NRK: variants seen among roughly 807,000 people sequenced by gnomAD.
NRK encodes nik-related protein kinase.
Under a neutral mutation model 125.2 loss-of-function variants are expected in NRK, and 67 were observed. That is an observed-to-expected ratio of 0.54 (90% CI 0.44 to 0.66). The LOEUF (loss-of-function observed/expected upper bound fraction) is 0.66, where lower values mean the gene tolerates loss of function less well. Ranked by LOEUF, NRK falls within the 30% of genes least tolerant of loss-of-function variation. The pLI is 0.00. For missense variants in NRK, 1,224 were observed against 1,192.9 expected, an observed-to-expected ratio of 1.03 and a Z score of -0.38; for synonymous variants, 458 against 429.0, an observed-to-expected ratio of 1.07 and a Z score of -0.84.
chrX:105,946,454 T>C lies in NRK; in HGVS notation c.4343T>C (p.Leu1448Pro). ...TCTGAGGTTATGTCTGATGTGACCC[T>C]GCCAAAGAATGTAAGATAACACCTT... ...AESEVMSDVTLPKNPLEIIIP... is the reference protein window; with the variant it reads ...AESEVMSDVTPPKNPLEIIIP... The change falls in exon 26 of 29, where the codon CTG (leucine) becomes CCG (proline). Residue 1448 changes from leucine (L) to proline (P), a missense_variant. Coordinates refer to ENST00000243300, the MANE Select transcript of NRK (RefSeq NM_198465.4). 8.5e-7 allele frequency: 1 copy of C among 1,179,711 alleles called. No homozygotes were observed. Among genetic ancestry groups the C allele is most frequent in the South Asian group, 1.9e-5 (1 of 53,950 alleles).
intron 23 of NRK, 36 bp downstream of exon 23, chrX:105,940,068 AT>A: frequency 9.9e-7 from 1 of 1,010,385 alleles, no homozygotes; most frequent in Admixed American, 3.0e-5. Context: ...AGCTATATAA[AT>A]TTTGCATCCT....
intron 19 of NRK, among the ~76,000 whole-genome samples, chrX:105,930,585 G>T (rs770445437): frequency 9.1e-6 from 1 of 110,038 alleles, no homozygotes; most frequent in African/African-American, 3.3e-5. Context: ...TTTTCTGTTG[G>T]GTCTGCTACT....
rs1174658361 is a variant in NRK at position 105,912,731 on chromosome X, C to T, written c.2325C>T (p.Tyr775=). 1.8e-6 allele frequency: 2 copies of T among 1,083,022 alleles called. No homozygotes were observed. Among genetic ancestry groups the T allele is most frequent in the Non-Finnish European group, 2.5e-6 (2 of 805,657 alleles). The allele number at this position is 1,083,022 out of a possible 1,213,427, so 89.3% of individuals were successfully genotyped here. A position where few individuals can be genotyped will look rare whatever the true frequency, so the allele number is the denominator to read the frequency against. The part of the protein sequence containing the change: ...AEVQIEPLKP[Y]ISNPKKIEVQ... ...TCCAGATAGAGCCATTGAAGCCATACATTTCAAATCCTAAAAAAATTGAGG... is the reference window on the plus strand; with the variant it reads ...TCCAGATAGAGCCATTGAAGCCATATATTTCAAATCCTAAAAAAATTGAGG... The change falls in exon 14 of 29, where the codon TAC becomes TAT. Residue 775 remains tyrosine, a synonymous_variant. Coordinates refer to ENST00000243300, the MANE Select transcript of NRK (RefSeq NM_198465.4).
intron 16 of NRK, among the ~76,000 whole-genome samples, chrX:105,919,325 G>C (rs1474076976): frequency 1.8e-5 from 2 of 110,475 alleles, no homozygotes; most frequent in Admixed American, 1.9e-4. Context: ...TAATCACAGG[G>C]GTTATTTACC....
intron 21 of NRK, among the ~76,000 whole-genome samples, chrX:105,936,289 C>T (rs945455734): frequency 5.4e-5 from 6 of 112,030 alleles, no homozygotes; most frequent in Non-Finnish European, 1.1e-4. Context: ...TCTCAAAGTT[C>T]TGCTAATTTA....
rs1476650348 is a variant in NRK, at chrX:105,923,134, A to T, written c.2627A>T (p.Lys876Ile). ...LVDIHVPDGFKVGKISPPVYL... is the reference protein window; with the variant it reads ...LVDIHVPDGFIVGKISPPVYL... ...TGCACACAGGTTCCAGATGGATTTA[A>T]AGTAGGAAAAATATCACCCCCTGTA... The change falls in exon 18 of 29, where the codon AAA (lysine) becomes ATA (isoleucine). Residue 876 changes from lysine (K) to isoleucine (I), a missense_variant. By Grantham distance (102) the Lys-to-Ile change is moderately radical (BLOSUM62 -3). Coordinates refer to ENST00000243300, the MANE Select transcript of NRK (RefSeq NM_198465.4). 4 of 1,199,492 alleles carry T rather than the reference A, an allele frequency of 3.3e-6. No homozygotes were observed. The highest frequency in any genetic ancestry group is 4.5e-6 in the Non-Finnish European group (4 of 887,399).
Position 105,888,389 on chromosome X carries a change from G to A in NRK, c.348G>A (p.Leu116=). ...IVSFYGAFFK[L]SPPGQRHQLW... ...CCTTCTATGGAGCATTTTTCAAGCTGAGTCCCCCTGGTCAGCGGCACCAAC... is the reference window on the plus strand; with the variant it reads ...CCTTCTATGGAGCATTTTTCAAGCTAAGTCCCCCTGGTCAGCGGCACCAAC... The change falls in exon 5 of 29, where the codon CTG becomes CTA. Residue 116 remains leucine, a synonymous_variant. Transcript: ENST00000243300. The A allele has an allele frequency of 8.3e-7, 1 of 1,199,937 alleles. No individual in the cohort carries two copies. Among genetic ancestry groups the A allele is most frequent in the Non-Finnish European group, 1.1e-6 (1 of 888,540 alleles).
At chrX:105,941,164 A>T (rs1389633434) in intron 23 of NRK, among the ~76,000 whole-genome samples, 1 of 111,372 alleles carries the variant, frequency 9.0e-6, no homozygotes, top group African/African-American at 3.3e-5. Flanking sequence ...TAGTTCAGTA[A>T]GAGATAGTCA....
chrX:105,879,817 C>T (rs1368327068), intron 2 of NRK, among the ~76,000 whole-genome samples: 1 of 110,788 alleles, frequency 9.0e-6, no homozygotes, highest in African/African-American at 3.3e-5. Flanking sequence ...CTGCCATCTT[C>T]AATAGAAAAT....
At chrX:105,910,997 T>C (rs2040293574) in intron 13 of NRK, among the ~76,000 whole-genome samples, 1 of 111,383 alleles carries the variant, frequency 9.0e-6, no homozygotes, top group Non-Finnish European at 1.9e-5. Context: ...TCTAGGAAAA[T>C]AGGCAACAAA....
rs747593323 is a variant in NRK, at chrX:105,939,923, G to A, written c.3849G>A (p.Lys1283=). 1.7e-6 allele frequency: 2 copies of A among 1,191,322 alleles called. No individual in the cohort carries two copies. ...ATCATCTGACCTGGTTGAGGAACAAGATTTTGAATAATGATCCAGAAAGTA... is the reference window on the plus strand; with the variant it reads ...ATCATCTGACCTGGTTGAGGAACAAAATTTTGAATAATGATCCAGAAAGTA... ...RVYHLTWLRN[K]ILNNDPESKR... The change falls in exon 23 of 29, where the codon AAG becomes AAA. Residue 1283 remains lysine, a synonymous_variant. Coordinates refer to ENST00000243300, the MANE Select transcript of NRK (RefSeq NM_198465.4).
At chrX:105,923,909 A>ATATATG (rs1413207716) in intron 18 of NRK, among the ~76,000 whole-genome samples, 1 of 87,891 alleles carries the variant, frequency 1.1e-5, no homozygotes. Context: ...ATATATATAT[A>ATATATG]TATATATATA....
intron 1 of NRK, 25 bp from the exon 2 acceptor site, chrX:105,831,029 C>G: frequency 1.0e-6 from 1 of 996,779 alleles, no homozygotes; most frequent in South Asian, 2.0e-5. Context: ...AGAAGATTAA[C>G]AATTTTTATT....
At chrX:105,826,390 A>AT (rs1291614608) in intron 1 of NRK, among the ~76,000 whole-genome samples, 38 of 72,175 alleles carry the variant, frequency 5.3e-4, no homozygotes, top group Non-Finnish European at 7.2e-4. Flanking sequence ...TCATATATAT[A>AT]ATATATATAT....
intron 5 of NRK, among the ~76,000 whole-genome samples, chrX:105,890,882 A>G (rs1306348802): frequency 9.0e-6 from 1 of 111,716 alleles, no homozygotes. Context: ...GATGACAGTG[A>G]TAAAATATGG....
At chrX:105,916,062 T>G (rs1037801332) in intron 15 of NRK, among the ~76,000 whole-genome samples, 5 of 110,891 alleles carry the variant, frequency 4.5e-5, no homozygotes, top group Non-Finnish European at 3.8e-5. Flanking sequence ...GAAACAATAA[T>G]AACAAATACT....
At chrX:105,940,493 C>T (rs1692646213) in intron 23 of NRK, among the ~76,000 whole-genome samples, 1 of 110,655 alleles carries the variant, frequency 9.0e-6, no homozygotes, top group African/African-American at 3.3e-5. Flanking sequence ...TGAATCCCTC[C>T]TAATACTGTC....
intron 2 of NRK, among the ~76,000 whole-genome samples, chrX:105,874,044 C>A (rs2039783288): frequency 9.0e-6 from 1 of 111,637 alleles, no homozygotes; most frequent in Non-Finnish European, 1.9e-5. Context: ...TTTTTTCTGA[C>A]ATTTTCTGTA....
In NRK at chrX:105,906,446, G is replaced by A; in HGVS notation, c.878G>A (p.Cys293Tyr). 8.6e-7 allele frequency: 1 copy of A among 1,166,193 alleles called. No individual in the cohort carries two copies. The highest frequency in any genetic ancestry group is 1.2e-6 in the Non-Finnish European group (1 of 867,360). ...SRKFHNFMEK[C>Y]TIKNFLFRPT... is the part of the protein sequence containing the mutation. ...AAGTTCCACAATTTCATGGAAAAGT[G>A]TACGATAAAAAATTTCCTGTTTCGT... The change falls in exon 11 of 29, where the codon TGT becomes TAT. Residue 293 changes from cysteine to tyrosine, a missense_variant. Physicochemically the swap from Cys to Tyr is radical, Grantham distance 194. Transcript: ENST00000243300.
Sources: gnomAD v4.1 joint callset for allele counts (sites outside exome capture counted in the v4.1 genomes callset) on GRCh38, gnomAD v4.1.1 for gene constraint, MANE v1.5 for transcripts, NCBI Gene and HGNC (gene_info 2026-07-23, HGNC 2026-07-21) for gene names.